The following SPOCK2 variants were observed in gnomAD, a reference collection of about 807,000 sequenced individuals.
SPOCK2 encodes SPARC (osteonectin), cwcv and kazal like domains proteoglycan 2.
SPOCK2 carries 39 observed loss-of-function variants against 60.1 expected under a neutral mutation model. The ratio of observed to expected loss-of-function variants is 0.65; its 90% CI spans 0.50 to 0.85. The LOEUF is 0.85. Ranked by LOEUF, SPOCK2 falls within the 40% of genes least tolerant of loss-of-function variation. The probability of loss-of-function intolerance (pLI) is 0.00; values close to 1 mark genes in which losing one functional copy is unlikely to be tolerated. For missense variants in SPOCK2, 523 were observed against 567.4 expected (o/e 0.92, Z 0.80); for synonymous variants, 217 against 231.5 (o/e 0.94, Z 0.57).
rs1053551686 is a variant in SPOCK2, at chr10:72,087,752, T to C, written c.189+388A>G. On this transcript the variant is annotated intron_variant, in intron 1 of 10. Coordinates refer to ENST00000373109, the MANE Select transcript of SPOCK2 (RefSeq NM_001244950.2). The surrounding 1 kb of genome is among the most constrained non-coding windows in gnomAD (Gnocchi z 4.7). ...GTGCAGCCTGCAGCATCCCAGCGGC[T>C]GGGGCAGGCCCGGGGGCGGCTCGCA... is the stretch of plus-strand genomic sequence containing the variant. 6.6e-6 allele frequency among the ~76,000 whole-genome samples: 1 copy of C among 152,150 alleles called. No individual in the cohort carries two copies. Among genetic ancestry groups the C allele is most frequent in the African/African-American group, 2.4e-5 (1 of 41,436 alleles).
At position 72,071,258 on chromosome 10, in the gene SPOCK2, C is replaced by T. The variant is rs180810268; in HGVS notation, c.360-832G>A. On this transcript the variant is annotated intron_variant, in intron 4 of 10. Coordinates refer to ENST00000373109, the MANE Select transcript of SPOCK2 (RefSeq NM_001244950.2). Reference sequence around the variant, plus strand: ...AGGCTGGAGTGCAGTGGCGTGATCTCGGCTCACTGCAACCTCCGCCTCCCA... The same window carrying T: ...AGGCTGGAGTGCAGTGGCGTGATCTTGGCTCACTGCAACCTCCGCCTCCCA... 6.6e-3 allele frequency among the ~76,000 whole-genome samples: 996 copies of T among 151,718 alleles called. 9 individuals carry two copies. The highest frequency in any genetic ancestry group is 0.023 in the African/African-American group (955 of 41,334).
intron 1 of SPOCK2, among the ~76,000 whole-genome samples, chr10:72,080,267 T>C (rs1840765451): frequency 6.6e-6 from 1 of 152,232 alleles, no homozygotes; most frequent in Admixed American, 6.5e-5. Context: ...CATTTCTTCA[T>C]TTTTTAATAG....
In SPOCK2 at chr10:72,088,061, G is replaced by A. The variant is rs972556524; in HGVS notation, c.189+79C>T. The A allele has an allele frequency of 3.4e-5, 52 of 1,542,364 alleles. No homozygotes were observed. The Middle Eastern group carries it at 1.2e-3, about 34-fold the overall frequency. On this transcript the variant is annotated intron_variant, in intron 1 of 10. Transcript: ENST00000373109. ...GGAGCCTCGGGCTGCGACGTGCGGCGGCCGCTCCCGCAGACCCCGGAGCTC... is the reference window on the plus strand; with the variant it reads ...GGAGCCTCGGGCTGCGACGTGCGGCAGCCGCTCCCGCAGACCCCGGAGCTC...
At chr10:72,083,218 C>A (rs1320119915) in intron 1 of SPOCK2, among the ~76,000 whole-genome samples, 1 of 152,228 alleles carries the variant, frequency 6.6e-6, no homozygotes, top group Non-Finnish European at 1.5e-5. Flanking sequence ...AAAAGAGAAT[C>A]TCTTCCTTAA....
At chr10:72,063,854 C>A (rs940874076) in intron 9 of SPOCK2, among the ~76,000 whole-genome samples, 1 of 152,208 alleles carries the variant, frequency 6.6e-6, no homozygotes, top group Non-Finnish European at 1.5e-5. Context: ...AGTGGCCTCA[C>A]TAAAACATTA....
chr10:72,077,137 T>C (rs1840724607), intron 1 of SPOCK2, among the ~76,000 whole-genome samples: 1 of 152,170 alleles, frequency 6.6e-6, no homozygotes, highest in Non-Finnish European at 1.5e-5. Context: ...TATTTATTTA[T>C]TGAGACAGAG....
chr10:72,083,718 A>C (rs2131823667), intron 1 of SPOCK2, among the ~76,000 whole-genome samples: 1 of 152,270 alleles, frequency 6.6e-6, no homozygotes, highest in South Asian at 2.1e-4. Context: ...CTCCAGTTAG[A>C]AGGTGGGGTG....
At chr10:72,072,979 T>C in intron 1 of SPOCK2, 69 bp from the exon 2 acceptor site, 1 of 1,550,398 alleles carries the variant, frequency 6.4e-7, no homozygotes, top group East Asian at 2.4e-5. Context: ...AAGATGGGGA[T>C]ATCAGTGTGA....
chr10:72,073,691 C>T (rs76548652), intron 1 of SPOCK2, among the ~76,000 whole-genome samples: 1,852 of 152,338 alleles, frequency 0.012, 42 homozygotes, highest in African/African-American at 0.04. Context: ...AACACACTCT[C>T]TGAGGCCTAA....
chr10:72,072,218 G>A lies in SPOCK2; in HGVS notation c.285C>T (p.Cys95=). 1.3e-6 allele frequency: 2 copies of A among 1,550,094 alleles called. No homozygotes were observed. The highest frequency in any genetic ancestry group is 1.2e-5 in the South Asian group (1 of 83,048). Residue 95 remains cysteine, a synonymous_variant, in exon 4 of 11, where the codon TGC becomes TGT. Coordinates refer to ENST00000373109, the MANE Select transcript of SPOCK2 (RefSeq NM_001244950.2). The stretch of plus-strand genomic sequence containing the variant: ...GGGCAATGCACACCTTGTGGCGGCT[G>A]CACTTCACCTTCTGGCAGGGGTCCT... ...TTKDPCQKVK[C]SRHKVCIAQG...
rs373316571 is a variant in SPOCK2 at position 72,066,864 on chromosome 10, C to T, written c.928+38G>A. ...CCTGGAACTTCGGGTAGAGCCCACA[C>T]GGGTGAGGCAGGGGCCTGGGAGGGG... is the stretch of plus-strand genomic sequence containing the variant. On this transcript the variant is annotated intron_variant, in intron 8 of 10. Coordinates refer to ENST00000373109, the MANE Select transcript of SPOCK2 (RefSeq NM_001244950.2). 197 of 1,610,990 alleles carry T rather than the reference C, an allele frequency of 1.2e-4. 3 individuals carry two copies. In the South Asian group the frequency reaches 1.3e-3, roughly 10 times the overall value.
intron 5 of SPOCK2, chr10:72,068,704 T>G: frequency 5.2e-6 from 1 of 191,408 alleles, no homozygotes; most frequent in African/African-American, 2.4e-5. Context: ...CCATCAGCCC[T>G]TCCCTCAATG....
intron 2 of SPOCK2, 23 bp downstream of exon 2, chr10:72,072,879 G>A: frequency 6.4e-7 from 1 of 1,553,512 alleles, no homozygotes; most frequent in Non-Finnish European, 8.7e-7. Flanking sequence ...ACCACACAGA[G>A]TGGGGTCCTG....
At position 72,064,260 on chromosome 10, in the gene SPOCK2, C is replaced by T; in HGVS notation, c.929-20G>A. On this transcript the variant is annotated intron_variant, in intron 8 of 10. Transcript: ENST00000373109. ...GGGGCTCTGTGGGGAGAGAAGCAGC[C>T]TCTGATGGGACTGTCCCCTGGTGCT... The T allele has an allele frequency of 1.3e-6, 2 of 1,577,910 alleles. No homozygotes were observed. Among genetic ancestry groups the T allele is most frequent in the Non-Finnish European group, 1.7e-6 (2 of 1,166,772 alleles).
intron 7 of SPOCK2, 123 bp downstream of exon 7, chr10:72,067,490 C>T (rs1462196988): frequency 3.3e-6 from 5 of 1,503,194 alleles, no homozygotes; most frequent in Non-Finnish European, 3.6e-6. Flanking sequence ...CTTTTGGGGC[C>T]CAGATTGTAG....
intron 1 of SPOCK2, among the ~76,000 whole-genome samples, chr10:72,073,310 T>C (rs1408232894): frequency 1.3e-5 from 2 of 152,154 alleles, no homozygotes; most frequent in Non-Finnish European, 2.9e-5. Flanking sequence ...GCACTGTCTG[T>C]CTCCTGCCAA....
Position 72,088,337 on chromosome 10 carries a change from G to T in SPOCK2, c.-9C>A. On this transcript the variant is annotated 5_prime_UTR_variant, in exon 1 of 11. Transcript: ENST00000373109. ...CAGCCCGGGGCGCGCATCGTGGTCT[G>T]GGTTCGACCTGGGGGGGTCTTGACT... is the stretch of plus-strand genomic sequence containing the variant. 6.6e-7 allele frequency: 1 copy of T among 1,526,408 alleles called. No homozygotes were observed. The highest frequency in any genetic ancestry group is 2.1e-5 in the Admixed American group (1 of 47,230). 94.6% of individuals were successfully genotyped at this position (1,526,408 alleles called of 1,614,324 possible).
chr10:72,081,440 T>TG (rs1405706150), intron 1 of SPOCK2, among the ~76,000 whole-genome samples: 3 of 152,206 alleles, frequency 2.0e-5, no homozygotes, highest in African/African-American at 4.8e-5. Flanking sequence ...TGGCAGGTGT[T>TG]GGGGAAGACA....
intron 1 of SPOCK2, chr10:72,086,146 T>C: frequency 1.0e-6 from 1 of 971,790 alleles, no homozygotes; most frequent in Non-Finnish European, 1.2e-6. Flanking sequence ...ACATCTGTCC[T>C]ACAAAAGCCT....
Sources: allele counts gnomAD v4.1 joint callset (sites outside exome capture counted in the v4.1 genomes callset), GRCh38; gene constraint gnomAD v4.1.1; non-coding constraint Gnocchi (gnomAD v3.1); transcripts MANE v1.5; gene names NCBI Gene and HGNC (gene_info 2026-07-23, HGNC 2026-07-21).